BICC1: variants seen among roughly 807,000 people sequenced by gnomAD.
The protein encoded by BICC1 is BicC family RNA binding protein 1.
A neutral mutation model predicts 111.0 loss-of-function variants in BICC1; 43 were observed. The observed-to-expected ratio is 0.39, with a 90% CI of 0.30 to 0.50. The LOEUF (loss-of-function observed/expected upper bound fraction) is 0.50, where lower values mean the gene tolerates loss of function less well. Among genes scored for constraint, BICC1 ranks in the 20% least tolerant of loss-of-function variants. The probability of loss-of-function intolerance (pLI) is 0.88; values close to 1 mark genes in which losing one functional copy is unlikely to be tolerated. For missense variants in BICC1, 1,091 were observed against 1,203.2 expected (o/e 0.91, Z 1.38); for synonymous variants, 467 against 434.4 (o/e 1.07, Z -0.93).
At chr10:58,735,087 A>G (rs1442851121) in intron 3 of BICC1, among the ~76,000 whole-genome samples, 1 of 152,252 alleles carries the variant, frequency 6.6e-6, no homozygotes, top group Non-Finnish European at 1.5e-5. Flanking sequence ...ACCCTTAACC[A>G]GAAGCAAATT....
At chr10:58,652,293 A>T (rs1319459282) in intron 2 of BICC1, among the ~76,000 whole-genome samples, 1 of 152,146 alleles carries the variant, frequency 6.6e-6, no homozygotes, top group Non-Finnish European at 1.5e-5. Flanking sequence ...AAAATTTGGG[A>T]ATCCTGAGTT....
At chr10:58,699,962 G>C (rs1423484031) in intron 2 of BICC1, among the ~76,000 whole-genome samples, 3 of 152,166 alleles carry the variant, frequency 2.0e-5, no homozygotes, top group East Asian at 1.9e-4. Context: ...AAAGTGCTGG[G>C]ATTATAGGCA....
intron 2 of BICC1, among the ~76,000 whole-genome samples, chr10:58,689,275 C>T (rs1410982520): frequency 2.0e-5 from 3 of 152,166 alleles, no homozygotes; most frequent in African/African-American, 7.2e-5. Context: ...CTTAGTAATT[C>T]TCTTACAAAG....
intron 2 of BICC1, among the ~76,000 whole-genome samples, chr10:58,639,861 T>C (rs1388475321): frequency 6.6e-6 from 1 of 151,612 alleles, no homozygotes; most frequent in Non-Finnish European, 1.5e-5. Context: ...TAAAGGCATG[T>C]GCCACCATGC....
Position 58,795,357 on chromosome 10 carries a change from A to G in BICC1, c.1180-983A>G, listed in dbSNP as rs531981523. Among the ~76,000 whole-genome samples the G allele has an allele frequency of 2.6e-5, 4 of 152,330 alleles. No individual in the cohort carries two copies. In the East Asian group the frequency reaches 7.7e-4, roughly 29 times the overall value. ...TGATATAATTAGTTTAAAGTTAGGG[A>G]ACAGGACATTAATTTTATGTATCGT... On this transcript the variant is annotated intron_variant, in intron 9 of 20. Coordinates refer to ENST00000373886, the MANE Select transcript of BICC1 (RefSeq NM_001080512.3).
intron 1 of BICC1, among the ~76,000 whole-genome samples, chr10:58,599,834 G>T (rs1250885980): frequency 1.3e-5 from 2 of 152,076 alleles, no homozygotes; most frequent in Middle Eastern, 3.4e-3. Flanking sequence ...GTAAGAGAGA[G>T]ACTTTTTTCT....
At chr10:58,623,231 A>G (rs1845881437) in intron 2 of BICC1, among the ~76,000 whole-genome samples, 1 of 152,204 alleles carries the variant, frequency 6.6e-6, no homozygotes. Context: ...CGAATTAGAA[A>G]ATAATAAAAT....
rs745339656 is a variant in BICC1 at position 58,611,336 on chromosome 10, T to A, written c.191-9519T>A. On this transcript the variant is annotated intron_variant, in intron 1 of 20. Coordinates refer to ENST00000373886, the MANE Select transcript of BICC1 (RefSeq NM_001080512.3). ...AGTGTTATTAATATTTTGGTATTTA[T>A]CCTTTCAGTCTTTTTTCTAACACAT... Among the ~76,000 whole-genome samples the A allele has an allele frequency of 2.0e-5, 3 of 152,234 alleles. No individual in the cohort carries two copies. In the East Asian group the frequency reaches 5.8e-4, roughly 29 times the overall value.
At chr10:58,790,684 A>G (rs1183579937) in intron 8 of BICC1, among the ~76,000 whole-genome samples, 2 of 152,066 alleles carry the variant, frequency 1.3e-5, no homozygotes, top group East Asian at 3.9e-4. Flanking sequence ...AAATTAGCCA[A>G]TGCGGTGGCA....
intron 3 of BICC1, among the ~76,000 whole-genome samples, chr10:58,773,478 G>C (rs1842671953): frequency 6.6e-6 from 1 of 152,186 alleles, no homozygotes; most frequent in African/African-American, 2.4e-5. Context: ...TAGATGATGA[G>C]GCACAAAAAC....
intron 1 of BICC1, among the ~76,000 whole-genome samples, chr10:58,595,619 GGTAAAT>G (rs1243108581): frequency 1.3e-5 from 2 of 152,214 alleles, no homozygotes; most frequent in Non-Finnish European, 2.9e-5. Flanking sequence ...ATGACTGCTG[GGTAAAT>G]AACGAAATTA....
chr10:58,686,309 A>C (rs1401688073), intron 2 of BICC1, among the ~76,000 whole-genome samples: 1 of 152,012 alleles, frequency 6.6e-6, no homozygotes, highest in African/African-American at 2.4e-5. Context: ...TTTTTCCTTC[A>C]TTTCAACTTT....
At chr10:58,630,645 A>C (rs564418279) in intron 2 of BICC1, among the ~76,000 whole-genome samples, 7 of 152,214 alleles carry the variant, frequency 4.6e-5, no homozygotes, top group African/African-American at 1.7e-4. Context: ...CTCCTGATGT[A>C]GTTGGGAAAC....
intron 1 of BICC1, among the ~76,000 whole-genome samples, chr10:58,577,088 T>C (rs1844135210): frequency 1.3e-5 from 2 of 152,250 alleles, no homozygotes; most frequent in African/African-American, 4.8e-5. Flanking sequence ...GAGGTTGGTT[T>C]CCACAATGTC....
At chr10:58,684,792 A>G (rs932186316) in intron 2 of BICC1, among the ~76,000 whole-genome samples, 6 of 152,112 alleles carry the variant, frequency 3.9e-5, no homozygotes, top group East Asian at 1.9e-4. Flanking sequence ...CTAGTGGTCT[A>G]TCCGTTTTGT....
chr10:58,652,740 G>A (rs998728381), intron 2 of BICC1, among the ~76,000 whole-genome samples: 16 of 152,038 alleles, frequency 1.1e-4, no homozygotes, highest in Non-Finnish European at 5.9e-5. Flanking sequence ...TGGGGGAGGA[G>A]ATTGTTTAAT....
chr10:58,544,352 C>A (rs1026349704), intron 1 of BICC1, among the ~76,000 whole-genome samples: 1 of 152,220 alleles, frequency 6.6e-6, no homozygotes, highest in South Asian at 2.1e-4. Flanking sequence ...GTAACAATAT[C>A]ACATTCTCAA....
chr10:58,573,704 G>A (rs1266817952), intron 1 of BICC1, among the ~76,000 whole-genome samples: 2 of 152,106 alleles, frequency 1.3e-5, no homozygotes, highest in African/African-American at 4.8e-5. Context: ...TCAGTGAGGT[G>A]CCTGCTGTCT....
At chr10:58,520,378 T>C (rs1046138836) in intron 1 of BICC1, among the ~76,000 whole-genome samples, 1 of 152,162 alleles carries the variant, frequency 6.6e-6, no homozygotes, top group East Asian at 1.9e-4. Context: ...ATCCTTATCG[T>C]ACTACCATCT....
Sources: gnomAD v4.1 joint callset for allele counts (sites outside exome capture counted in the v4.1 genomes callset) on GRCh38, gnomAD v4.1.1 for gene constraint, MANE v1.5 for transcripts, NCBI Gene and HGNC (gene_info 2026-07-23, HGNC 2026-07-21) for gene names.